Variants in CACNA1C observed in about 807,000 individuals in gnomAD.
CACNA1C encodes voltage-dependent L-type calcium channel subunit alpha-1C.
CACNA1C carries 30 observed loss-of-function variants against 229.0 expected under a neutral mutation model. The observed-to-expected ratio is 0.13, with a 90% CI of 0.10 to 0.18. The LOEUF is 0.18. CACNA1C is among the 10% of genes least tolerant of loss of function. The probability of loss-of-function intolerance (pLI) is 1.00; values close to 1 mark genes in which losing one functional copy is unlikely to be tolerated. For synonymous variants in CACNA1C, 1,114 were observed against 1,132.5 expected, an observed-to-expected ratio of 0.98 and a Z score of 0.33; for missense variants, 1,658 against 2,845.0, an observed-to-expected ratio of 0.58 and a Z score of 9.49.
Position 2,241,762 on chromosome 12 carries a change from A to G in CACNA1C, c.477+121332A>G, listed in dbSNP as rs535728794. On this transcript the variant is annotated intron_variant, in intron 3 of 46. Transcript: ENST00000399655. ...GAATTTTGTGGAAAGATCCCTCCCA[A>G]TGTGGCTGCATCTGCCATAAAGTGG... 2.4e-3 allele frequency among the ~76,000 whole-genome samples: 361 copies of G among 152,314 alleles called. 2 individuals carry two copies. Among genetic ancestry groups the G allele is most frequent in the African/African-American group, 8.2e-3 (341 of 41,558 alleles).
intron 3 of CACNA1C, among the ~76,000 whole-genome samples, chr12:2,268,788 ATT>A (rs1287443850): frequency 5.9e-5 from 9 of 152,148 alleles, no homozygotes. Flanking sequence ...GCCAAAGATG[ATT>A]TAGTTCCGGA....
At chr12:2,670,740 T>C (rs1447318546) in intron 38 of CACNA1C, among the ~76,000 whole-genome samples, 1 of 151,670 alleles carries the variant, frequency 6.6e-6, no homozygotes, top group African/African-American at 2.4e-5. Context: ...GTGCCTGTAA[T>C]CCCAGCTACT....
chr12:2,269,032 G>T (rs976506358), intron 3 of CACNA1C, among the ~76,000 whole-genome samples: 5 of 152,148 alleles, frequency 3.3e-5, no homozygotes, highest in African/African-American at 1.2e-4. Context: ...GTCCTGCCCT[G>T]GCAGCAGGTA....
chr12:2,206,324 A>G (rs993362862), intron 3 of CACNA1C, among the ~76,000 whole-genome samples: 4 of 152,098 alleles, frequency 2.6e-5, no homozygotes, highest in African/African-American at 9.7e-5. Context: ...AAAGCAGATG[A>G]GACTCTGAGG....
Position 2,403,156 on chromosome 12 carries a change from T to A in CACNA1C, c.478-45820T>A, listed in dbSNP as rs371476579. 2.6e-5 allele frequency among the ~76,000 whole-genome samples: 4 copies of A among 152,184 alleles called. No individual in the cohort carries two copies. The South Asian group carries it at 8.3e-4, about 32-fold the overall frequency. On this transcript the variant is annotated intron_variant, in intron 3 of 46. Coordinates refer to ENST00000399655, the MANE Select transcript of CACNA1C (RefSeq NM_000719.7). This position sits in a 1 kb window ranked among gnomAD's most constrained non-coding sequence, Gnocchi z 4.1. ...GGTCAACCACAGTCTTCCCAACATT[T>A]CCTGGAGGTCAACCTGCTTTTAACA...
chr12:2,209,259 A>G (rs1167926601), intron 3 of CACNA1C, among the ~76,000 whole-genome samples: 2 of 152,242 alleles, frequency 1.3e-5, no homozygotes, highest in African/African-American at 4.8e-5. Flanking sequence ...AACCTGTGTA[A>G]GCCTCCCCTC....
At chr12:2,551,806 G>A (rs1011082209) in intron 10 of CACNA1C, among the ~76,000 whole-genome samples, 1 of 152,162 alleles carries the variant, frequency 6.6e-6, no homozygotes, top group Non-Finnish European at 1.5e-5. Flanking sequence ...GCAGGCGGGT[G>A]CAGGTAATGA....
chr12:2,574,691 G>T lies in CACNA1C; in HGVS notation c.1895+6897G>T, dbSNP rs2057730856. ...TACCAGCATCTGGCCTTGAGCAGCA[G>T]ATCCAGCCCCACACCTTCCCAGCTC... On this transcript the variant is annotated intron_variant, in intron 13 of 46. Coordinates refer to ENST00000399655, the MANE Select transcript of CACNA1C (RefSeq NM_000719.7). Among the ~76,000 whole-genome samples, 4 of 152,324 alleles carry T rather than the reference G, an allele frequency of 2.6e-5. No homozygotes were observed. In the South Asian group the frequency reaches 8.3e-4, roughly 32 times the overall value.
intron 3 of CACNA1C, among the ~76,000 whole-genome samples, chr12:2,244,263 T>C (rs995981392): frequency 1.3e-5 from 2 of 152,232 alleles, no homozygotes; most frequent in East Asian, 1.9e-4. Context: ...CTAGCATGCG[T>C]TGTGGGACGT....
At chr12:2,072,586 C>T (rs2061761579) in intron 1 of CACNA1C, among the ~76,000 whole-genome samples, 1 of 152,176 alleles carries the variant, frequency 6.6e-6, no homozygotes, top group African/African-American at 2.4e-5. Context: ...ATGGAACTTA[C>T]TTATTTACAG....
intron 1 of CACNA1C, among the ~76,000 whole-genome samples, chr12:2,044,978 C>A (rs1038102380): frequency 1.3e-5 from 2 of 152,166 alleles, no homozygotes; most frequent in African/African-American, 4.8e-5. Context: ...ACTGAGCCGT[C>A]ATTTATTATT....
At chr12:2,459,735 C>T (rs1419026739) in intron 5 of CACNA1C, among the ~76,000 whole-genome samples, 1 of 152,152 alleles carries the variant, frequency 6.6e-6, no homozygotes, top group African/African-American at 2.4e-5. Context: ...TTGAACATGA[C>T]TTTAAGGAGC....
At chr12:2,284,246 A>C (rs990114310) in intron 3 of CACNA1C, among the ~76,000 whole-genome samples, 1 of 150,868 alleles carries the variant, frequency 6.6e-6, no homozygotes, top group Non-Finnish European at 1.5e-5. Flanking sequence ...TTTTTTGTGA[A>C]TATTTTACCC....
intron 34 of CACNA1C, among the ~76,000 whole-genome samples, chr12:2,661,931 A>G (rs1331640164): frequency 6.6e-6 from 1 of 152,218 alleles, no homozygotes. Flanking sequence ...ATTATTTTGT[A>G]ACTCTTACCC....
rs772617050 is a variant in CACNA1C at position 2,682,553 on chromosome 12, C to G, written c.5448C>G (p.Cys1816Trp). The change falls in exon 43 of 47, where the codon TGC (cysteine) becomes TGG (tryptophan). Residue 1816 changes from cysteine to tryptophan, a missense_variant. Around this residue, in one of 20 missense-constraint regions of CACNA1C, gnomAD observed 590 missense variants for 700.8 expected, o/e 0.84. Coordinates refer to ENST00000399655, the MANE Select transcript of CACNA1C (RefSeq NM_000719.7). ...TTCTTCATCTTGGATATTGTAGGTG[C>G]CACTCCCGGGAGAGCCAGGCAGCCA... ...EVAWKLSSNR[C>W]HSRESQAAMA... 1 of 1,611,632 alleles carries G rather than the reference C, an allele frequency of 6.2e-7. No individual in the cohort carries two copies. The highest frequency in any genetic ancestry group is 1.7e-5 in the Admixed American group (1 of 59,762).
intron 3 of CACNA1C, among the ~76,000 whole-genome samples, chr12:2,255,519 A>G (rs79164695): frequency 0.044 from 6,776 of 152,286 alleles, 179 homozygotes; most frequent in Middle Eastern, 0.071. Context: ...GGCAGTGCCA[A>G]TCAAAGGAGG....
At chr12:2,388,793 G>A (rs1031814675) in intron 3 of CACNA1C, among the ~76,000 whole-genome samples, 2 of 150,648 alleles carry the variant, frequency 1.3e-5, no homozygotes, top group Admixed American at 6.6e-5. Context: ...TTGTGGAGTT[G>A]GCAGTGTCTG....
chr12:2,457,202 C>T (rs898569679), intron 4 of CACNA1C, among the ~76,000 whole-genome samples: 1 of 152,186 alleles, frequency 6.6e-6, no homozygotes, highest in Non-Finnish European at 1.5e-5. Flanking sequence ...CTGGGAGGGG[C>T]GCTAGGATAC....
At chr12:2,241,476 A>G (rs2070207365) in intron 3 of CACNA1C, among the ~76,000 whole-genome samples, 3 of 152,088 alleles carry the variant, frequency 2.0e-5, no homozygotes, top group South Asian at 4.2e-4. Flanking sequence ...GATGGGATCA[A>G]TTGCAAAACG....
Sources: gnomAD v4.1 joint callset for allele counts (sites outside exome capture counted in the v4.1 genomes callset) on GRCh38, gnomAD v4.1.1 for gene constraint, gnomAD v4.1.1 regional missense constraint, Gnocchi (gnomAD v3.1) non-coding constraint, MANE v1.5 for transcripts, NCBI Gene and HGNC (gene_info 2026-07-23, HGNC 2026-07-21) for gene names.